Variants in GOLGA1 observed in about 807,000 individuals in gnomAD.
GOLGA1 encodes the protein golgin A1.
In GOLGA1, 63 loss-of-function variants were observed where a neutral mutation model predicts 119.7. That is an observed-to-expected ratio of 0.53 (90% confidence interval 0.43 to 0.65). The LOEUF (loss-of-function observed/expected upper bound fraction) is 0.65. Among genes scored for constraint, GOLGA1 ranks in the 30% least tolerant of loss-of-function variants. GOLGA1 has a pLI of 0.00. For missense variants in GOLGA1, 798 were observed against 912.8 expected (o/e 0.87, Z 1.62); for synonymous variants, 318 against 333.4 (o/e 0.95, Z 0.50).
chr9:124,921,470 T>C (rs1830568071), intron 9 of GOLGA1, among the ~76,000 whole-genome samples: 1 of 152,186 alleles, frequency 6.6e-6, no homozygotes, highest in Non-Finnish European at 1.5e-5. Flanking sequence ...CTTAGTCTAT[T>C]AATACTTTAC....
chr9:124,892,943 AAAAAG>A (rs1829889299), intron 15 of GOLGA1, among the ~76,000 whole-genome samples: 1 of 151,938 alleles, frequency 6.6e-6, no homozygotes, highest in Non-Finnish European at 1.5e-5. Context: ...AAAAAAAAAA[AAAAAG>A]AAAGTGTATT....
chr9:124,938,570 T>C lies in GOLGA1; in HGVS notation c.135+7A>G, dbSNP rs760267387. The C allele has an allele frequency of 2.7e-5, 44 of 1,605,760 alleles. No individual in the cohort carries two copies. Among genetic ancestry groups the C allele is most frequent in the Non-Finnish European group, 3.7e-5 (43 of 1,174,710 alleles). On this transcript the variant is annotated splice_region_variant and intron_variant, in intron 3 of 22. Transcript: ENST00000373555. ...AGTATCTTTATTTCTTAAGTAAAGG[T>C]ACTTACAAAGTCATCTCCTGAGTCA...
chr9:124,944,631 T>G (rs1831113826), upstream of GOLGA1: 1 of 152,096 alleles, frequency 6.6e-6, no homozygotes, highest in Non-Finnish European at 1.5e-5. Context: ...AGTTTTAATT[T>G]AGAAAAAAAG....
In GOLGA1 at chr9:124,929,211, C is replaced by T. The variant is rs755015296; in HGVS notation, c.301+5G>A. ...GATTGAAAAAAGCAGGAAAAAAATA[C>T]GTACAATCCTGGTGTTTTTCTAATG... On this transcript the variant is annotated splice_donor_5th_base_variant and intron_variant, in intron 5 of 22. Coordinates refer to ENST00000373555, the MANE Select transcript of GOLGA1 (RefSeq NM_002077.4). 7.1e-6 allele frequency: 11 copies of T among 1,556,026 alleles called. No homozygotes were observed. Among genetic ancestry groups the T allele is most frequent in the Non-Finnish European group, 8.9e-6 (10 of 1,127,372 alleles).
rs900795160 is a variant in GOLGA1 at position 124,878,699 on chromosome 9, T to G, written c.*1831A>C. ...AGCTACACCTGAAACTGCCGAGGAGTGGGGCCTGGGGTGCGTGTGGGACCA... is the reference window on the plus strand; with the variant it reads ...AGCTACACCTGAAACTGCCGAGGAGGGGGGCCTGGGGTGCGTGTGGGACCA... On this transcript the variant is annotated 3_prime_UTR_variant, in exon 23 of 23. Transcript: ENST00000373555. 1 of 151,644 alleles carries G rather than the reference T, an allele frequency of 6.6e-6. No homozygotes were observed. Among genetic ancestry groups the G allele is most frequent in the African/African-American group, 2.4e-5 (1 of 41,166 alleles). 9.4% of individuals were successfully genotyped at this position (151,644 alleles called of 1,614,324 possible).
intron 14 of GOLGA1, 86 bp downstream of exon 14, chr9:124,899,243 G>A (rs751150955): frequency 1.6e-5 from 20 of 1,264,474 alleles, no homozygotes; most frequent in African/African-American, 9.0e-5. Flanking sequence ...GTGCAGAGGT[G>A]GTGACACACT....
At chr9:124,906,720 C>T (rs1172613915) in intron 12 of GOLGA1, among the ~76,000 whole-genome samples, 1 of 151,910 alleles carries the variant, frequency 6.6e-6, no homozygotes, top group Non-Finnish European at 1.5e-5. Flanking sequence ...CCATTGCACT[C>T]CAGCCTGGGT....
At chr9:124,892,487 A>G (rs963968106) in intron 15 of GOLGA1, among the ~76,000 whole-genome samples, 11 of 151,446 alleles carry the variant, frequency 7.3e-5, no homozygotes, top group African/African-American at 2.7e-4. Flanking sequence ...TATTATAATT[A>G]TTTTTTTGAG....
At chr9:124,928,796 G>A (rs1259830262) in intron 5 of GOLGA1, among the ~76,000 whole-genome samples, 1 of 152,004 alleles carries the variant, frequency 6.6e-6, no homozygotes, top group Admixed American at 6.6e-5. Flanking sequence ...TATGATTGAG[G>A]GTAGACTACA....
rs1829550126 is a variant in GOLGA1 at position 124,880,533 on chromosome 9, G to A, written c.2301C>T (p.Ser767=). 3.8e-6 allele frequency: 6 copies of A among 1,586,952 alleles called. No individual in the cohort carries two copies. In the East Asian group the frequency reaches 1.3e-4, roughly 36 times the overall value. The change falls in exon 23 of 23, where the codon TCC becomes TCT. Residue 767 remains serine, a synonymous_variant. Transcript: ENST00000373555. ...PSISNPRIPW[S] is the part of the protein sequence containing the mutation. ...CTCCATCCTTGGGTAGTCCCCTCTA[G>A]GACCATGGTATCCGAGGGTTTGAGA... is the stretch of plus-strand genomic sequence containing the variant.
chr9:124,916,798 C>G (rs1267348875), intron 10 of GOLGA1, among the ~76,000 whole-genome samples: 1 of 148,794 alleles, frequency 6.7e-6, no homozygotes, highest in Non-Finnish European at 1.5e-5. Flanking sequence ...ATCACTTACA[C>G]CCAGGAATTT....
intron 19 of GOLGA1, among the ~76,000 whole-genome samples, chr9:124,882,878 G>C (rs1010643383): frequency 6.6e-6 from 1 of 152,140 alleles, no homozygotes; most frequent in African/African-American, 2.4e-5. Context: ...ACCACACACA[G>C]CCCAGCTGGA....
intron 19 of GOLGA1, among the ~76,000 whole-genome samples, chr9:124,886,167 G>T (rs1454990283): frequency 1.3e-5 from 2 of 152,232 alleles, no homozygotes; most frequent in Non-Finnish European, 2.9e-5. Context: ...TGTGGAGACA[G>T]GTTTGTGAGG....
At chr9:124,900,869 G>C (rs905582071) in intron 12 of GOLGA1, among the ~76,000 whole-genome samples, 2 of 152,002 alleles carry the variant, frequency 1.3e-5, no homozygotes, top group African/African-American at 4.8e-5. Flanking sequence ...TTCCTCTAGA[G>C]TGTTTTGTAA....
Position 124,918,216 on chromosome 9 carries a change from C to A in GOLGA1, c.843+2913G>T, listed in dbSNP as rs180792751. On this transcript the variant is annotated intron_variant, in intron 10 of 22. Transcript: ENST00000373555. ...TAGTTTTCTTTCAGAACACTCATCACGGTTAGTAATTATATATGTGATTAC... is the reference window on the plus strand; with the variant it reads ...TAGTTTTCTTTCAGAACACTCATCAAGGTTAGTAATTATATATGTGATTAC... 2.3e-3 allele frequency among the ~76,000 whole-genome samples: 346 copies of A among 152,264 alleles called. 2 individuals are homozygous for A. The highest frequency in any genetic ancestry group is 4.1e-3 in the Non-Finnish European group (280 of 68,020).
At chr9:124,901,558 C>T (rs1291318322) in intron 12 of GOLGA1, among the ~76,000 whole-genome samples, 1 of 4,924 alleles carries the variant, frequency 2.0e-4, no homozygotes, top group African/African-American at 2.2e-4. Flanking sequence ...CCTCAGCCTC[C>T]TGAGTAGCTA....
In GOLGA1 at chr9:124,889,185, C is replaced by T. The variant is rs1254438042; in HGVS notation, c.1719G>A (p.Arg573=). The T allele has an allele frequency of 6.2e-7, 1 of 1,612,520 alleles. No homozygotes were observed. Among genetic ancestry groups the T allele is most frequent in the African/African-American group, 1.3e-5 (1 of 74,888 alleles). The change falls in exon 18 of 23, where the codon CGG becomes CGA. Residue 573 remains arginine (R), a synonymous_variant. Coordinates refer to ENST00000373555, the MANE Select transcript of GOLGA1 (RefSeq NM_002077.4). The part of the protein sequence containing the change: ...VAEQEDLLRL[R]GPLQAEALSV... ...AGAGTGCTTCGGCCTGCAATGGGCC[C>T]CGCAGCCTCAGCAGGTCCTCCTGCT...
At chr9:124,882,657 T>G in intron 19 of GOLGA1, 88 bp from the exon 20 acceptor site, 1 of 1,024,912 alleles carries the variant, frequency 9.8e-7, no homozygotes, top group Non-Finnish European at 1.5e-6. Context: ...CGGGATCCCC[T>G]GTACACCTGT....
intron 2 of GOLGA1, among the ~76,000 whole-genome samples, chr9:124,939,311 T>C (rs188186342): frequency 1.8e-4 from 28 of 152,288 alleles, no homozygotes; most frequent in African/African-American, 6.0e-4. Context: ...ATGCATGTAA[T>C]TCAATTCATA....
Sources: allele counts gnomAD v4.1 joint callset (sites outside exome capture counted in the v4.1 genomes callset), GRCh38; gene constraint gnomAD v4.1.1; transcripts MANE v1.5; gene names NCBI Gene and HGNC (gene_info 2026-07-23, HGNC 2026-07-21).